The following SLC6A8 variants were observed in gnomAD, a reference collection of about 807,000 sequenced individuals.
SLC6A8 encodes solute carrier family 6 member 8.
SLC6A8 carries 6 observed loss-of-function variants against 48.3 expected under a neutral mutation model. That is an observed-to-expected ratio of 0.12 (90% CI 0.07 to 0.25). The LOEUF is 0.25. Among genes scored for constraint, SLC6A8 ranks in the 10% least tolerant of loss-of-function variants. The pLI is 1.00. For missense variants in SLC6A8, 260 were observed against 551.5 expected (o/e 0.47, Z 5.29); for synonymous variants, 245 against 244.0 (o/e 1.00, Z -0.04).
rs1171019318 is a variant in SLC6A8 at position 153,695,903 on chromosome X, G to A, written c.*689G>A. 1 of 124,821 alleles carries A rather than the reference G, an allele frequency of 8.0e-6. No individual in the cohort carries two copies. Among genetic ancestry groups the A allele is most frequent in the African/African-American group, 3.2e-5 (1 of 31,073 alleles). The allele number at this position is 124,821 out of a possible 1,213,427, so 10.3% of individuals were successfully genotyped here. ...ATGCCAGATGTAAATGGCGCCTCTG[G>A]GCAAAGGAGGCTTGTATTTTGCACA... On this transcript the variant is annotated 3_prime_UTR_variant, in exon 13 of 13. Transcript: ENST00000253122.
At chrX:153,693,020 C>G (rs782778353) in intron 4 of SLC6A8, 21 bp from the exon 5 acceptor site, 4 of 1,210,343 alleles carry the variant, frequency 3.3e-6, no homozygotes, top group Non-Finnish European at 3.4e-6. Context: ...ACAGCCTCCG[C>G]TGAGCAGCCT....
rs1348625501 is a variant in SLC6A8, at chrX:153,688,483, G to A, written c.-92G>A. The A allele has an allele frequency of 4.3e-6, 1 of 232,042 alleles. No homozygotes were observed. The highest frequency in any genetic ancestry group is 6.0e-6 in the Non-Finnish European group (1 of 167,985). The allele number at this position is 232,042 out of a possible 1,213,427, so 19.1% of individuals were successfully genotyped here. ...GCCCCCGGCCGGCCCGCGCCCTCGG[G>A]GCCCTCCCCGGTGCCGCCGGTGCCC... On this transcript the variant is annotated 5_prime_UTR_variant, in exon 1 of 13. Transcript: ENST00000253122.
In SLC6A8 at chrX:153,693,181, G is replaced by A; in HGVS notation, c.912+6G>A. The stretch of plus-strand genomic sequence containing the variant: ...CAAAGCTGGGGTCCCCTCAGGTGAG[G>A]TGGAGGTGGAGAGGCTGCAGCAGGG... On this transcript the variant is annotated splice_donor_region_variant and intron_variant, in intron 5 of 12. Transcript: ENST00000253122. 1.7e-6 allele frequency: 2 copies of A among 1,211,243 alleles called. No individual in the cohort carries two copies. The highest frequency in any genetic ancestry group is 2.2e-6 in the Non-Finnish European group (2 of 895,066).
chrX:153,692,665 G>C, intron 4 of SLC6A8: 1 of 350,763 alleles, frequency 2.9e-6, no homozygotes, highest in Non-Finnish European at 5.5e-6. Context: ...AAGAGGAGGG[G>C]GACCCGACCC....
At chrX:153,693,861 C>A (rs1159799992) in intron 7 of SLC6A8, 44 bp from the exon 8 acceptor site, 3 of 1,025,202 alleles carry the variant, frequency 2.9e-6, no homozygotes, top group African/African-American at 3.7e-5. Context: ...GCGCACAGGG[C>A]AGGACATCGG....
At chrX:153,690,298 G>A in intron 1 of SLC6A8, 77 bp from the exon 2 acceptor site, 1 of 1,081,497 alleles carries the variant, frequency 9.2e-7, no homozygotes, top group East Asian at 3.3e-5. Flanking sequence ...GGGGCCTTTG[G>A]AGTCTGGGCT....
chrX:153,692,953 C>A (rs782281715), intron 4 of SLC6A8, 88 bp from the exon 5 acceptor site: 2 of 1,105,458 alleles, frequency 1.8e-6, no homozygotes, highest in South Asian at 1.9e-5. Context: ...TCTGAACATA[C>A]CTGCCCGCAA....
intron 2 of SLC6A8, chrX:153,690,901 C>CCG (rs1557044323): frequency 8.3e-6 from 2 of 240,971 alleles, no homozygotes; most frequent in African/African-American, 3.3e-5. Context: ...AACCCCCCCC[C>CCG]CCCACCACCA....
rs782482863 is a variant in SLC6A8, at chrX:153,696,391, T to C, written c.*1177T>C. On this transcript the variant is annotated 3_prime_UTR_variant, in exon 13 of 13. Transcript: ENST00000253122. ...GATGCACTTCCCGCACCTCCAGTCT[T>C]CTGTGTAGCAGCTTTAACCCACGTT... 2.7e-5 allele frequency: 9 copies of C among 330,106 alleles called. No individual in the cohort carries two copies. The highest frequency in any genetic ancestry group is 1.8e-4 in the South Asian group (7 of 38,433). 27.2% of individuals were successfully genotyped at this position (330,106 alleles called of 1,213,427 possible). A position where few individuals can be genotyped will look rare whatever the true frequency, so the allele number is the denominator to read the frequency against.
chrX:153,693,864 G>A (rs2091471699), intron 7 of SLC6A8, 41 bp from the exon 8 acceptor site: 2 of 1,038,484 alleles, frequency 1.9e-6, no homozygotes, highest in East Asian at 6.6e-5. Flanking sequence ...CACAGGGCAG[G>A]ACATCGGCTA....
At position 153,693,821 on chromosome X, in the gene SLC6A8, GGC is replaced by G. The variant is rs782678664; in HGVS notation, c.1142-80_1142-79del. ...CGCCTCTGAGGCAGGCGTGGGCATG[GGC>G]GCGAGTGTTGCAGGCAGGGCTCAGG... On this transcript the variant is annotated intron_variant, in intron 7 of 12. Coordinates refer to ENST00000253122, the MANE Select transcript of SLC6A8 (RefSeq NM_005629.4). 9.1e-6 allele frequency: 8 copies of G among 878,361 alleles called. No individual in the cohort carries two copies. In the East Asian group the frequency reaches 2.7e-4, roughly 30 times the overall value. 72.4% of individuals were successfully genotyped at this position (878,361 alleles called of 1,213,427 possible).
Position 153,696,499 on chromosome X carries a change from G to C in SLC6A8, c.*1285G>C, listed in dbSNP as rs1354877384. 3.0e-6 allele frequency: 1 copy of C among 329,881 alleles called. No individual in the cohort carries two copies. The highest frequency in any genetic ancestry group is 5.9e-6 in the Non-Finnish European group (1 of 169,501). 27.2% of individuals were successfully genotyped at this position (329,881 alleles called of 1,213,427 possible). ...ACCCAGACAGAGGCTGCAGGGCTGG[G>C]GCTGGGTGAGGGTGGCGGGCCTGCG... On this transcript the variant is annotated 3_prime_UTR_variant, in exon 13 of 13. Transcript: ENST00000253122.
rs1433987464 is a variant in SLC6A8 at position 153,696,423 on chromosome X, T to C, written c.*1209T>C. On this transcript the variant is annotated 3_prime_UTR_variant, in exon 13 of 13. Transcript: ENST00000253122. ...AGCAGCTTTAACCCACGTTTGTCTG[T>C]CACGTCCAGTCCCGAGACGGCTGAG... is the stretch of plus-strand genomic sequence containing the variant. The C allele has an allele frequency of 3.0e-6, 1 of 330,224 alleles. No individual in the cohort carries two copies. Among genetic ancestry groups the C allele is most frequent in the East Asian group, 9.7e-5 (1 of 10,270 alleles). 27.2% of individuals were successfully genotyped at this position (330,224 alleles called of 1,213,427 possible).
chrX:153,694,742 G>A lies in SLC6A8; in HGVS notation c.1620G>A (p.Val540=), dbSNP rs781947969. The A allele has an allele frequency of 2.5e-6, 3 of 1,211,078 alleles. No individual in the cohort carries two copies. Among genetic ancestry groups the A allele is most frequent in the Admixed American group, 2.2e-5 (1 of 46,097 alleles). Residue 540 remains valine (V), a synonymous_variant, in exon 12 of 13, where the codon GTG becomes GTA. Coordinates refer to ENST00000253122, the MANE Select transcript of SLC6A8 (RefSeq NM_005629.4). ...AGGGCATCTTCATCTTCAACGTTGT[G>A]TACTACGAGCCGCTGGTCTACAACA... The part of the protein sequence containing the change: ...VCMGIFIFNV[V]YYEPLVYNNT...
intron 2 of SLC6A8, chrX:153,690,997 G>A (rs1315816854): frequency 1.3e-5 from 4 of 314,782 alleles, no homozygotes; most frequent in African/African-American, 2.7e-5. Context: ...GGTGGCAGTG[G>A]GACCCACAGA....
At chrX:153,690,902 C>CCG (rs1557044333) in intron 2 of SLC6A8, 8 of 236,973 alleles carry the variant, frequency 3.4e-5, no homozygotes, top group Non-Finnish European at 6.1e-5. Flanking sequence ...ACCCCCCCCC[C>CCG]CCACCACCAC....
rs782323044 is a variant in SLC6A8, at chrX:153,694,056, G to T, written c.1254+39G>T. 1.1e-5 allele frequency: 13 copies of T among 1,187,852 alleles called. No homozygotes were observed. The African/African-American group carries it at 1.6e-4, about 14-fold the overall frequency. On this transcript the variant is annotated intron_variant, in intron 8 of 12. Transcript: ENST00000253122. ...TCTGGGACAGGGAGCCAGGAGGGGG[G>T]CGGAGGGAGGGCTGCAGGCAAGGAA...
chrX:153,687,965 G>T lies in SLC6A8; in HGVS notation c.-610G>T, dbSNP rs1258257035. On this transcript the variant is annotated 5_prime_UTR_variant, in exon 1 of 13. Coordinates refer to ENST00000253122, the MANE Select transcript of SLC6A8 (RefSeq NM_005629.4). ...TCGGAGCGAGGTGGCGAGTCGCTGA[G>T]CCCGCCGCGGCCCCGAGAGCGGCTG... is the stretch of plus-strand genomic sequence containing the variant. 6.5e-5 allele frequency: 7 copies of T among 108,279 alleles called. No homozygotes were observed. The highest frequency in any genetic ancestry group is 4.8e-4 in the Admixed American group (5 of 10,344). The allele number at this position is 108,279 out of a possible 1,213,427, so 8.9% of individuals were successfully genotyped here.
At chrX:153,689,589 C>T (rs1487135466) in intron 1 of SLC6A8, 1 of 743,502 alleles carries the variant, frequency 1.3e-6, no homozygotes, top group African/African-American at 2.3e-5. Flanking sequence ...GATGCTGGGA[C>T]CTGGAGTCAG....
Sources: allele counts gnomAD v4.1 joint callset, GRCh38; gene constraint gnomAD v4.1.1; transcripts MANE v1.5; gene names NCBI Gene and HGNC (gene_info 2026-07-23, HGNC 2026-07-21).